The following LONP2 variants were observed in gnomAD, a reference collection of about 807,000 sequenced individuals.
LONP2 encodes the protein lon peptidase 2, peroxisomal.
Under a neutral mutation model 85.6 loss-of-function variants are expected in LONP2, and 60 were observed. That is an observed-to-expected ratio of 0.70 (90% CI 0.57 to 0.87). The LOEUF is 0.87. LONP2 is among the 40% of genes least tolerant of loss of function. The pLI, the probability that LONP2 is intolerant of heterozygous loss-of-function variation, is 0.00. For missense variants in LONP2, 860 were observed against 1,063.5 expected (o/e 0.81, Z 2.66); for synonymous variants, 395 against 389.7 (o/e 1.01, Z -0.16).
chr16:48,359,174 T>G (rs1597015013), downstream of LONP2, among the ~76,000 whole-genome samples: 1 of 151,904 alleles, frequency 6.6e-6, no homozygotes, highest in Non-Finnish European at 1.5e-5. Flanking sequence ...GGTTTCACCA[T>G]GTTGGTCTCG....
Position 48,303,358 on chromosome 16 carries a change from A to C in LONP2, c.1795+53A>C, listed in dbSNP as rs1302775911. ...GGCCTGGTGGCTAGGAGTGAGTGACAGAAGAAGGTTGGGTATGGAGGGGAA... is the reference window on the plus strand; with the variant it reads ...GGCCTGGTGGCTAGGAGTGAGTGACCGAAGAAGGTTGGGTATGGAGGGGAA... On this transcript the variant is annotated intron_variant, in intron 11 of 14. Coordinates refer to ENST00000285737, the MANE Select transcript of LONP2 (RefSeq NM_031490.5). The C allele has an allele frequency of 4.4e-6, 7 of 1,595,382 alleles. No homozygotes were observed. The East Asian group carries it at 1.6e-4, about 36-fold the overall frequency.
intron 8 of LONP2, 58 bp from the exon 9 acceptor site, chr16:48,295,957 T>C (rs1478408080): frequency 1.3e-6 from 2 of 1,545,932 alleles, no homozygotes; most frequent in Non-Finnish European, 1.8e-6. Context: ...TTTTCACTTA[T>C]ATACAGCCTT....
At chr16:48,254,199 T>C (rs1203779731) in intron 2 of LONP2, among the ~76,000 whole-genome samples, 1 of 152,180 alleles carries the variant, frequency 6.6e-6, no homozygotes, top group African/African-American at 2.4e-5. Flanking sequence ...ATTAAGACCG[T>C]TTGCAACTTG....
intron 9 of LONP2, among the ~76,000 whole-genome samples, chr16:48,298,622 TTGAGGTGTGTG>T (rs1177584979): frequency 3.9e-5 from 5 of 128,114 alleles, no homozygotes; most frequent in African/African-American, 1.5e-4. Flanking sequence ...GCTTATTTAA[TTGAGGTGTGTG>T]TGTGTGTGTG....
intron 11 of LONP2, among the ~76,000 whole-genome samples, chr16:48,318,070 G>C (rs974148758): frequency 3.3e-5 from 5 of 151,798 alleles, no homozygotes; most frequent in African/African-American, 1.2e-4. Flanking sequence ...TTCAGATTTG[G>C]AGAAGAATAG....
chr16:48,244,370 A>C lies in LONP2; in HGVS notation c.-19A>C. On this transcript the variant is annotated 5_prime_UTR_variant, in exon 1 of 15. Transcript: ENST00000285737. The stretch of plus-strand genomic sequence containing the variant: ...TGTCTGGCTCTTTTTGACAGCCCCC[A>C]GTGCGAAAGGCTGCCAGCATGTCAT... 6.6e-7 allele frequency: 1 copy of C among 1,512,622 alleles called. No individual in the cohort carries two copies. The highest frequency in any genetic ancestry group is 8.9e-7 in the Non-Finnish European group (1 of 1,129,924). The allele number at this position is 1,512,622 out of a possible 1,614,324, so 93.7% of individuals were successfully genotyped here. A position where few individuals can be genotyped will look rare whatever the true frequency, so the allele number is the denominator to read the frequency against.
At chr16:48,258,549 C>T in intron 3 of LONP2, 69 bp from the exon 4 acceptor site, 2 of 1,479,282 alleles carry the variant, frequency 1.4e-6, no homozygotes, top group Non-Finnish European at 1.8e-6. Flanking sequence ...TAAACCATGG[C>T]TCTGACTGTC....
Position 48,353,182 on chromosome 16 carries a change from T to C in LONP2, c.*1380T>C, listed in dbSNP as rs1335408679. The C allele has an allele frequency of 6.6e-6, 1 of 152,172 alleles. No individual in the cohort carries two copies. Among genetic ancestry groups the C allele is most frequent in the Admixed American group, 6.5e-5 (1 of 15,276 alleles). 9.4% of individuals were successfully genotyped at this position (152,172 alleles called of 1,614,324 possible). A position where few individuals can be genotyped will look rare whatever the true frequency, so the allele number is the denominator to read the frequency against. Reference sequence around the variant, plus strand: ...TTATTACACAATATAAGAATATGTATGTAAAGACATTTTGGAATTTCCTGG... The same window carrying C: ...TTATTACACAATATAAGAATATGTACGTAAAGACATTTTGGAATTTCCTGG... On this transcript the variant is annotated 3_prime_UTR_variant, in exon 15 of 15. Coordinates refer to ENST00000285737, the MANE Select transcript of LONP2 (RefSeq NM_031490.5).
At chr16:48,357,429 G>C (rs1301058401), downstream of LONP2, 1 of 152,226 alleles carries the variant, frequency 6.6e-6, no homozygotes, top group Non-Finnish European at 1.5e-5. Flanking sequence ...TGAGTGGGGA[G>C]GGGAATGACA....
At chr16:48,286,082 A>G (rs1213468707) in intron 8 of LONP2, among the ~76,000 whole-genome samples, 1 of 152,014 alleles carries the variant, frequency 6.6e-6, no homozygotes, top group Non-Finnish European at 1.5e-5. Context: ...AGTTTCCTCA[A>G]AGTTCATCAA....
chr16:48,266,780 T>G (rs868345606), intron 6 of LONP2, among the ~76,000 whole-genome samples: 4 of 152,134 alleles, frequency 2.6e-5, no homozygotes, highest in African/African-American at 9.7e-5. Context: ...TGGGTTGTTT[T>G]CAGTTTTTTG....
chr16:48,314,860 T>C (rs1973109496), intron 11 of LONP2, among the ~76,000 whole-genome samples: 1 of 152,236 alleles, frequency 6.6e-6, no homozygotes, highest in Non-Finnish European at 1.5e-5. Context: ...TTCAACAAAC[T>C]TGCCACATTC....
At chr16:48,345,799 C>T (rs1959944879) in intron 12 of LONP2, 2 of 152,192 alleles carry the variant, frequency 1.3e-5, no homozygotes, top group East Asian at 1.9e-4. Context: ...AATCCCAGCA[C>T]TTTGGGAGGC....
chr16:48,311,354 C>A (rs990644283), intron 11 of LONP2, among the ~76,000 whole-genome samples: 1 of 148,672 alleles, frequency 6.7e-6, no homozygotes, highest in Non-Finnish European at 1.5e-5. Context: ...TTTTAAAATT[C>A]TTTTTTCTTT....
chr16:48,297,784 C>T (rs1175129250), intron 9 of LONP2, among the ~76,000 whole-genome samples: 1 of 151,940 alleles, frequency 6.6e-6, no homozygotes, highest in Non-Finnish European at 1.5e-5. Flanking sequence ...ACTGCAACCT[C>T]TATGTCCCAG....
chr16:48,260,057 T>TG lies in LONP2; in HGVS notation c.723+1318dup, dbSNP rs1247819166. Among the ~76,000 whole-genome samples the TG allele has an allele frequency of 6.6e-5, 10 of 152,190 alleles. No homozygotes were observed. The East Asian group carries it at 1.9e-3, about 29-fold the overall frequency. ...TGTTTTAGCAGTCAGGAAGGAAAAA[T>TG]GCATTAAAAAGTGCTTTTGTCTTAA... On this transcript the variant is annotated intron_variant, in intron 4 of 14. Coordinates refer to ENST00000285737, the MANE Select transcript of LONP2 (RefSeq NM_031490.5).
At chr16:48,349,769 T>C (rs1471169545) in intron 14 of LONP2, among the ~76,000 whole-genome samples, 2 of 152,226 alleles carry the variant, frequency 1.3e-5, no homozygotes, top group Non-Finnish European at 2.9e-5. Flanking sequence ...AAAGGAGTTC[T>C]AACAAACAGG....
intron 12 of LONP2, among the ~76,000 whole-genome samples, chr16:48,335,622 A>G (rs1205745978): frequency 6.6e-6 from 1 of 152,274 alleles, no homozygotes; most frequent in Non-Finnish European, 1.5e-5. Context: ...TAAATCTGAT[A>G]AACTATGTAG....
intron 12 of LONP2, chr16:48,345,345 A>T (rs1959928615): frequency 6.6e-6 from 1 of 152,272 alleles, no homozygotes; most frequent in Non-Finnish European, 1.5e-5. Flanking sequence ...TGGTAGAGTT[A>T]ACAAAATTGT....
Sources: gnomAD v4.1 joint callset for allele counts (sites outside exome capture counted in the v4.1 genomes callset) on GRCh38, gnomAD v4.1.1 for gene constraint, MANE v1.5 for transcripts, NCBI Gene and HGNC (gene_info 2026-07-23, HGNC 2026-07-21) for gene names.